MCF2L: variants seen among roughly 807,000 people sequenced by gnomAD.
The protein encoded by MCF2L is MCF.2 cell line derived transforming sequence like, also known as guanine nucleotide exchange factor DBS.
A neutral mutation model predicts 153.4 loss-of-function variants in MCF2L; 97 were observed. That is an observed-to-expected ratio of 0.63 (90% CI 0.54 to 0.75). The LOEUF (loss-of-function observed/expected upper bound fraction) is 0.75. Among genes scored for constraint, MCF2L ranks in the 30% least tolerant of loss-of-function variants. The pLI, the probability that MCF2L is intolerant of heterozygous loss-of-function variation, is 0.00. For synonymous variants in MCF2L, 659 were observed against 632.2 expected (o/e 1.04, Z -0.64); for missense variants, 1,347 against 1,495.2 (o/e 0.90, Z 1.64).
chr13:112,968,853 GC>G, upstream of MCF2L: 1 of 1,073,582 alleles, frequency 9.3e-7, no homozygotes, highest in Non-Finnish European at 1.2e-6. Flanking sequence ...CACTTGTGCG[GC>G]ACCCGCGGGG....
At chr13:113,084,725 T>A in intron 18 of MCF2L, 167 bp from the exon 19 acceptor site, 1 of 626,198 alleles carries the variant, frequency 1.6e-6, no homozygotes, top group Non-Finnish European at 2.8e-6. Context: ...TGGGAGCCAG[T>A]GCCGGCCCTC....
chr13:112,903,572 T>C (rs1333996624), intron 2 of MCF2L, among the ~76,000 whole-genome samples: 3 of 152,062 alleles, frequency 2.0e-5, no homozygotes, highest in Non-Finnish European at 4.4e-5. Context: ...GTGTAGACTC[T>C]TGCACTTGGA....
chr13:113,083,945 G>A (rs762269214), intron 17 of MCF2L, 53 bp from the exon 18 acceptor site: 19 of 1,303,886 alleles, frequency 1.5e-5, no homozygotes, highest in East Asian at 2.3e-5. Context: ...CTTGTCACTG[G>A]TCCACGTGAC....
intron 22 of MCF2L, 26 bp from the exon 23 acceptor site, chr13:113,087,681 A>T: frequency 6.3e-7 from 1 of 1,587,804 alleles, no homozygotes; most frequent in Non-Finnish European, 8.6e-7. Flanking sequence ...GTGCACGCGA[A>T]CCCCATCTCC....
At chr13:112,982,850 G>T (rs1357515456) in intron 1 of MCF2L, among the ~76,000 whole-genome samples, 5 of 152,146 alleles carry the variant, frequency 3.3e-5, no homozygotes, top group Admixed American at 6.5e-5. Context: ...AGGATGATCA[G>T]GGAAATTGCA....
In MCF2L at chr13:113,078,666, A is replaced by C; in HGVS notation, c.1735A>C (p.Ser579Arg). The C allele has an allele frequency of 6.2e-7, 1 of 1,611,876 alleles. No individual in the cohort carries two copies. ...GACCTGACGCTGTTTTTCTCCCCAGAGTGAGATGAGTGAGAGCCGGCAGGG... is the reference window on the plus strand; with the variant it reads ...GACCTGACGCTGTTTTTCTCCCCAGCGTGAGATGAGTGAGAGCCGGCAGGG... The part of the protein sequence containing the change: ...LRRGPYRRAK[S>R]EMSESRQGRG... Residue 579 changes from serine to arginine, a missense_variant and splice_region_variant, in exon 15 of 30, where the codon AGT becomes CGT. Around this residue, in one of 3 missense-constraint regions of MCF2L, gnomAD observed 820 missense variants for 921.2 expected, o/e 0.89. Coordinates refer to ENST00000535094, the MANE Select transcript of MCF2L (RefSeq NM_001112732.3).
At chr13:113,061,961 G>A (rs952452390) in intron 5 of MCF2L, among the ~76,000 whole-genome samples, 5 of 130,612 alleles carry the variant, frequency 3.8e-5, no homozygotes, top group South Asian at 2.8e-4. Context: ...CCACCCCCAC[G>A]CAGTCCACTC....
rs150644184 is a variant in MCF2L, at chr13:112,899,291, G to C, written c.-4-2908G>C. Among the ~76,000 whole-genome samples, 951 of 152,302 alleles carry C rather than the reference G, an allele frequency of 6.2e-3. 13 individuals are homozygous for C. Among genetic ancestry groups the C allele is most frequent in the African/African-American group, 0.021 (878 of 41,560 alleles). On this transcript the variant is annotated intron_variant, in intron 1 of 29. Transcript: ENST00000375608. The stretch of plus-strand genomic sequence containing the variant: ...ACAAAGCCCAGGGGGCCTGGCTCTC[G>C]GTCCAGCCTTCGGCCTTCACTGCTG...
chr13:113,018,298 C>T (rs2084659974), intron 2 of MCF2L, among the ~76,000 whole-genome samples: 1 of 152,258 alleles, frequency 6.6e-6, no homozygotes, highest in South Asian at 2.1e-4. Context: ...TCGTAATCCA[C>T]ACCCTCTACT....
chr13:113,095,233 C>T, intron 27 of MCF2L: 5 of 1,216,268 alleles, frequency 4.1e-6, no homozygotes, highest in Non-Finnish European at 5.3e-6. Context: ...TCTGCTGCAC[C>T]TTCTGTGCTG....
At chr13:112,984,480 C>T (rs560354182) in intron 1 of MCF2L, among the ~76,000 whole-genome samples, 37 of 152,124 alleles carry the variant, frequency 2.4e-4, no homozygotes, top group Non-Finnish European at 4.9e-4. Context: ...TTATGTGATC[C>T]GCCCGCCTCA....
intron 2 of MCF2L, among the ~76,000 whole-genome samples, chr13:112,953,194 G>A (rs2081714729): frequency 6.6e-6 from 1 of 152,194 alleles, no homozygotes; most frequent in South Asian, 2.1e-4. Context: ...TGTGCTCTTG[G>A]TGAACTGGAA....
At chr13:113,050,281 AGTGTGAGAGTGTGTGT>A (rs1252952418) in intron 4 of MCF2L, among the ~76,000 whole-genome samples, 5 of 147,250 alleles carry the variant, frequency 3.4e-5, no homozygotes, top group Non-Finnish European at 4.5e-5. Flanking sequence ...TGAGACTGTG[AGTGTGAGAGTGTGTGT>A]GTGTGAGAGT....
In MCF2L at chr13:113,096,580, G is replaced by T; in HGVS notation, c.3219G>T (p.Glu1073Asp). The change falls in exon 29 of 30, where the codon GAG (glutamate) becomes GAT (aspartate). Residue 1073 changes from glutamate to aspartate, a missense_variant. By Grantham distance (45) the Glu-to-Asp change is conservative (BLOSUM62 2). Transcript: ENST00000535094. ...WYVRDPTTGK[E>D]GWVPASSLSV... Reference sequence around the variant, plus strand: ...TCAGGGACCCGACCACTGGCAAGGAGGGCTGGGTGCCGGCCAGCAGCCTGT... The same window carrying T: ...TCAGGGACCCGACCACTGGCAAGGATGGCTGGGTGCCGGCCAGCAGCCTGT... The T allele has an allele frequency of 1.2e-6, 2 of 1,604,502 alleles. No homozygotes were observed. Among genetic ancestry groups the T allele is most frequent in the Non-Finnish European group, 1.7e-6 (2 of 1,178,394 alleles).
intron 1 of MCF2L, chr13:112,979,826 C>A: frequency 7.0e-7 from 1 of 1,426,758 alleles, no homozygotes; most frequent in Non-Finnish European, 9.5e-7. Flanking sequence ...GTCCTCTCTG[C>A]GGGCAGGTGC....
Position 113,094,542 on chromosome 13 carries a change from G to A in MCF2L, c.2982G>A (p.Glu994=). The part of the protein sequence containing the change: ...KGWSKTSHSL[E]APEDDGGWSS... ...GGAGCAAAACGTCCCACTCACTGGAGGCACCTGAGGACGACGGGGGCTGGT... is the reference window on the plus strand; with the variant it reads ...GGAGCAAAACGTCCCACTCACTGGAAGCACCTGAGGACGACGGGGGCTGGT... The change falls in exon 27 of 30, where the codon GAG becomes GAA. Residue 994 remains glutamate (E), a synonymous_variant. Coordinates refer to ENST00000535094, the MANE Select transcript of MCF2L (RefSeq NM_001112732.3). 6.2e-7 allele frequency: 1 copy of A among 1,612,500 alleles called. No homozygotes were observed. Among genetic ancestry groups the A allele is most frequent in the East Asian group, 2.2e-5 (1 of 44,872 alleles).
At chr13:112,940,813 TA>T (rs11312253) in intron 2 of MCF2L, among the ~76,000 whole-genome samples, 57,616 of 151,814 alleles carry the variant, frequency 0.38, 11,493 homozygotes, top group African/African-American at 0.5. Flanking sequence ...CATGAGCACT[TA>T]AAAAAAAATC....
chr13:113,044,848 T>C, intron 3 of MCF2L: 1 of 1,612,948 alleles, frequency 6.2e-7, no homozygotes, highest in South Asian at 1.1e-5. Flanking sequence ...ATCCTTAACG[T>C]GGACCAGCAC....
chr13:113,096,637 G>C lies in MCF2L; in HGVS notation c.3276G>C (p.Gln1092His), dbSNP rs769380256. 2 of 1,590,160 alleles carry C rather than the reference G, an allele frequency of 1.3e-6. No individual in the cohort carries two copies. The highest frequency in any genetic ancestry group is 2.3e-5 in the South Asian group (2 of 88,870). ...GGCTCGGCCCGTCCGGCTCGGCCCA[G>C]TGCCTGAGCAGCTCAGGTAAGGCCC... Reference protein sequence around the residue: ...SVRLGPSGSAQCLSSSESSPG... With the variant: ...SVRLGPSGSAHCLSSSESSPG... The change falls in exon 29 of 30, where the codon CAG (glutamine) becomes CAC (histidine). Residue 1092 changes from glutamine to histidine, a missense_variant. By Grantham distance (24) the Gln-to-His change is conservative. This residue lies in a region of MCF2L where 383 missense variants were observed against 335.4 expected (regional missense o/e 1.14). Transcript: ENST00000535094.
Sources: allele counts gnomAD v4.1 joint callset (sites outside exome capture counted in the v4.1 genomes callset), GRCh38; gene constraint gnomAD v4.1.1; regional missense constraint gnomAD v4.1.1; transcripts MANE v1.5; gene names NCBI Gene and HGNC (gene_info 2026-07-23, HGNC 2026-07-21).